SERPINA10: variants seen among roughly 807,000 people sequenced by gnomAD.
SERPINA10 encodes the protein protein Z-dependent protease inhibitor.
SERPINA10 carries 24 observed loss-of-function variants against 28.0 expected under a neutral mutation model. That is an observed-to-expected ratio of 0.86 (90% CI 0.62 to 1.20). The LOEUF is 1.20. Ranked by LOEUF, SERPINA10 falls within the 50% of genes most tolerant of loss-of-function variation. The pLI, the probability that SERPINA10 is intolerant of heterozygous loss-of-function variation, is 0.00. For missense variants in SERPINA10, 521 were observed against 537.7 expected (o/e 0.97, Z 0.31); for synonymous variants, 207 against 203.9 (o/e 1.02, Z -0.13).
intron 3 of SERPINA10, among the ~76,000 whole-genome samples, chr14:94,286,926 A>G (rs1895039143): frequency 6.6e-6 from 1 of 152,238 alleles, no homozygotes; most frequent in African/African-American, 2.4e-5. Context: ...TGAAAGAAGA[A>G]TAATGAAGAT....
chr14:94,287,873 CCTT>C (rs1895062863), intron 3 of SERPINA10, among the ~76,000 whole-genome samples: 1 of 152,196 alleles, frequency 6.6e-6, no homozygotes, highest in Non-Finnish European at 1.5e-5. Flanking sequence ...CTTACTGTTA[CCTT>C]CTTGGAGAGG....
In SERPINA10 at chr14:94,289,730, A is replaced by C. The variant is rs1231417502; in HGVS notation, c.718+146T>G. ...AAATGACAGCGTCTGGCACTGTTCA[A>C]TATGTGTATCAATCTGTTTTTGAAA... is the stretch of plus-strand genomic sequence containing the variant. On this transcript the variant is annotated intron_variant, in intron 2 of 4. Transcript: ENST00000261994. 6 of 893,270 alleles carry C rather than the reference A, an allele frequency of 6.7e-6. No individual in the cohort carries two copies. The Admixed American group carries it at 1.1e-4, about 16-fold the overall frequency. The allele number at this position is 893,270 out of a possible 1,614,324, so 55.3% of individuals were successfully genotyped here.
Position 94,289,935 on chromosome 14 carries a change from A to G in SERPINA10, c.659T>C (p.Leu220Pro), listed in dbSNP as rs982188076. The G allele has an allele frequency of 6.2e-7, 1 of 1,614,120 alleles. No individual in the cohort carries two copies. Among genetic ancestry groups the G allele is most frequent in the Non-Finnish European group, 8.5e-7 (1 of 1,179,966 alleles). Reference sequence around the variant, plus strand: ...GGTTTCAGGATTAATCTCATCAAACAGTTTGGGAATTTTCCCCCGAGTCTC... The same window carrying G: ...GGTTTCAGGATTAATCTCATCAAACGGTTTGGGAATTTTCCCCCGAGTCTC... The part of the protein sequence containing the change: ...NKETRGKIPK[L>P]FDEINPETKL... Residue 220 changes from leucine (L) to proline (P), a missense_variant, in exon 2 of 5, where the codon CTG becomes CCG. Physicochemically the swap from Leu to Pro is moderately conservative, Grantham distance 98. Coordinates refer to ENST00000261994, the MANE Select transcript of SERPINA10 (RefSeq NM_001100607.3).
rs1335721800 is a variant in SERPINA10 at position 94,281,897 on chromosome 14, A to G, written c.*2068T>C. 6 of 152,460 alleles carry G rather than the reference A, an allele frequency of 3.9e-5. No individual in the cohort carries two copies. Among genetic ancestry groups the G allele is most frequent in the Non-Finnish European group, 7.4e-5 (5 of 68,008 alleles). 9.4% of individuals were successfully genotyped at this position (152,460 alleles called of 1,614,324 possible). On this transcript the variant is annotated 3_prime_UTR_variant, in exon 5 of 5. Coordinates refer to ENST00000261994, the MANE Select transcript of SERPINA10 (RefSeq NM_001100607.3). The stretch of plus-strand genomic sequence containing the variant: ...TCACAGACTTATTTTTCCAGATTTC[A>G]TCTCTTAAAAGTGGGAAATTGGACT...
chr14:94,291,808 G>A (rs1482708147), intron 1 of SERPINA10, among the ~76,000 whole-genome samples: 1 of 152,258 alleles, frequency 6.6e-6, no homozygotes, highest in African/African-American at 2.4e-5. Context: ...CAGGGGCTGA[G>A]TCCTTATCTA....
rs764890060 is a variant in SERPINA10 at position 94,288,404 on chromosome 14, A to G, written c.874T>C (p.Tyr292His). The change falls in exon 3 of 5, where the codon TAC (tyrosine) becomes CAC (histidine). Residue 292 changes from tyrosine (Y) to histidine (H), a missense_variant. Tyr to His is a moderately conservative substitution (Grantham distance 83). Coordinates refer to ENST00000261994, the MANE Select transcript of SERPINA10 (RefSeq NM_001100607.3). ...ACCAGCATGGTGGCATTTCCTTGGT[A>G]GGGCAGTTTGAGGACATGACAACGA... ...NFRCHVLKLP[Y>H]QGNATMLVVL... 4.3e-6 allele frequency: 7 copies of G among 1,614,104 alleles called. No homozygotes were observed. The South Asian group carries it at 6.6e-5, about 15-fold the overall frequency.
intron 4 of SERPINA10, among the ~76,000 whole-genome samples, chr14:94,285,585 A>G (rs977835781): frequency 2.0e-5 from 3 of 151,810 alleles, no homozygotes; most frequent in Non-Finnish European, 4.4e-5. Context: ...ACACACATAT[A>G]TATATATACA....
chr14:94,287,713 T>TC (rs1257447445), intron 3 of SERPINA10, among the ~76,000 whole-genome samples: 1 of 152,200 alleles, frequency 6.6e-6, no homozygotes, highest in African/African-American at 2.4e-5. Flanking sequence ...TGATTTTATC[T>TC]CCAACTGCTG....
In SERPINA10 at chr14:94,290,518, G is replaced by A; in HGVS notation, c.76C>T (p.Pro26Ser). ...VWLVPGLAPS[P>S]QSPETPAPQN... ...GGGGCTGGGGTCTCTGGCGACTGAG[G>A]ACTGGGGGCCAAGCCGGGTACCAGC... Residue 26 changes from proline (P) to serine (S), a missense_variant, in exon 2 of 5, where the codon CCT becomes TCT. Transcript: ENST00000261994. 6.2e-7 allele frequency: 1 copy of A among 1,613,252 alleles called. No homozygotes were observed. The highest frequency in any genetic ancestry group is 8.5e-7 in the Non-Finnish European group (1 of 1,179,714).
rs1894883713 is a variant in SERPINA10 at position 94,280,945 on chromosome 14, A to G, written c.*3020T>C. ...TGAGCTTGAATATCTTAGTCTGGAGATGAGTCAGTTTTGCCATACAATTAG... is the reference window on the plus strand; with the variant it reads ...TGAGCTTGAATATCTTAGTCTGGAGGTGAGTCAGTTTTGCCATACAATTAG... On this transcript the variant is annotated 3_prime_UTR_variant, in exon 5 of 5. Transcript: ENST00000261994. 6.6e-6 allele frequency: 1 copy of G among 152,204 alleles called. No homozygotes were observed. The highest frequency in any genetic ancestry group is 1.5e-5 in the Non-Finnish European group (1 of 68,034). 9.4% of individuals were successfully genotyped at this position (152,204 alleles called of 1,614,324 possible).
At chr14:94,285,299 C>A (rs1002503490) in intron 4 of SERPINA10, among the ~76,000 whole-genome samples, 2 of 152,100 alleles carry the variant, frequency 1.3e-5, no homozygotes, top group Non-Finnish European at 2.9e-5. Context: ...GGACAACAAG[C>A]AGTTCCCCTC....
At chr14:94,288,976 C>G (rs1895093844) in intron 2 of SERPINA10, among the ~76,000 whole-genome samples, 1 of 152,256 alleles carries the variant, frequency 6.6e-6, no homozygotes. Context: ...ACACCAGGCA[C>G]AAGCACATGC....
Position 94,290,362 on chromosome 14 carries a change from C to T in SERPINA10, c.232G>A (p.Glu78Lys), listed in dbSNP as rs993520031. 1.9e-6 allele frequency: 3 copies of T among 1,614,114 alleles called. No individual in the cohort carries two copies. The highest frequency in any genetic ancestry group is 1.3e-5 in the African/African-American group (1 of 74,948). Residue 78 changes from glutamate (E) to lysine (K), a missense_variant, in exon 2 of 5, where the codon GAG (glutamate) becomes AAG (lysine). Coordinates refer to ENST00000261994, the MANE Select transcript of SERPINA10 (RefSeq NM_001100607.3). The stretch of plus-strand genomic sequence containing the variant: ...AGGCTGAATCCGAAGTTTGAAGTCT[C>T]CTTGGCAAGCTGCTGCCTGCTGGCC... ...LMASRQQLAK[E>K]TSNFGFSLLR...
intron 3 of SERPINA10, among the ~76,000 whole-genome samples, chr14:94,287,103 C>T (rs1196177126): frequency 6.6e-6 from 1 of 152,054 alleles, no homozygotes; most frequent in Non-Finnish European, 1.5e-5. Flanking sequence ...GCTTTCTTTT[C>T]CTCTCCTCTA....
chr14:94,289,849 T>C (rs373631428), intron 2 of SERPINA10, 27 bp downstream of exon 2: 126 of 1,611,104 alleles, frequency 7.8e-5, no homozygotes, highest in Non-Finnish European at 1.0e-4. Context: ...CCTGTGGCCT[T>C]GGGAGAGCAG....
rs2232699 is a variant in SERPINA10, at chr14:94,290,121, A to T, written c.473T>A (p.Leu158Gln). 1,653 of 1,614,198 alleles carry T rather than the reference A, an allele frequency of 1.0e-3. 27 individuals carry two copies. In the East Asian group the frequency reaches 0.027, roughly 26 times the overall value. ...GGCAAAACTCCCCTGTGTGAGGCCC[A>T]GTTCCAGGTTGCGGGAGAGGGTCTC... ...LRETLSRNLE[L>Q]GLTQGSFAFI... Residue 158 changes from leucine to glutamine, a missense_variant, in exon 2 of 5, where the codon CTG becomes CAG. Coordinates refer to ENST00000261994, the MANE Select transcript of SERPINA10 (RefSeq NM_001100607.3).
At position 94,290,432 on chromosome 14, in the gene SERPINA10, C is replaced by A. The variant is rs765849185; in HGVS notation, c.162G>T (p.Glu54Asp). 1.2e-6 allele frequency: 2 copies of A among 1,613,776 alleles called. No individual in the cohort carries two copies. Among genetic ancestry groups the A allele is most frequent in the East Asian group, 4.5e-5 (2 of 44,858 alleles). Residue 54 changes from glutamate to aspartate, a missense_variant, in exon 2 of 5, where the codon GAG becomes GAT. Transcript: ENST00000261994. Reference sequence around the variant, plus strand: ...CCTCACTGGCCTTCTCCTCGCTGGCCTCCTGCTCATCTTCCTCTTCCTCCT... The same window carrying A: ...CCTCACTGGCCTTCTCCTCGCTGGCATCCTGCTCATCTTCCTCTTCCTCCT... ...APKEEEEDEQEASEEKASEEE... is the reference protein window; with the variant it reads ...APKEEEEDEQDASEEKASEEE...
In SERPINA10 at chr14:94,282,013, A is replaced by C. The variant is rs1412326321; in HGVS notation, c.*1952T>G. The C allele has an allele frequency of 6.6e-6, 1 of 152,574 alleles. No homozygotes were observed. Among genetic ancestry groups the C allele is most frequent in the Non-Finnish European group, 1.5e-5 (1 of 68,024 alleles). The allele number at this position is 152,574 out of a possible 1,614,324, so 9.5% of individuals were successfully genotyped here. A position where few individuals can be genotyped will look rare whatever the true frequency, so the allele number is the denominator to read the frequency against. On this transcript the variant is annotated 3_prime_UTR_variant, in exon 5 of 5. Transcript: ENST00000261994. Reference sequence around the variant, plus strand: ...AAGGTGACTTAAGAATGTCAGATAGAGTTAGTCCTCTGTCTTTGGCCCTCT... The same window carrying C: ...AAGGTGACTTAAGAATGTCAGATAGCGTTAGTCCTCTGTCTTTGGCCCTCT...
intron 4 of SERPINA10, among the ~76,000 whole-genome samples, chr14:94,285,461 A>G (rs1459894151): frequency 1.3e-5 from 2 of 151,280 alleles, no homozygotes; most frequent in Non-Finnish European, 2.9e-5. Context: ...CTCTCTCTCC[A>G]TATATATATG....
Sources: allele counts gnomAD v4.1 joint callset (sites outside exome capture counted in the v4.1 genomes callset), GRCh38; gene constraint gnomAD v4.1.1; transcripts MANE v1.5; gene names NCBI Gene and HGNC (gene_info 2026-07-23, HGNC 2026-07-21).